Variants in ZNF787 observed in about 807,000 individuals in gnomAD.
The protein encoded by ZNF787 is zinc finger protein 787.
A neutral mutation model predicts 16.9 loss-of-function variants in ZNF787; 7 were observed. The observed-to-expected ratio is 0.42, with a 90% CI of 0.24 to 0.78. ZNF787 has a LOEUF of 0.78. Ranked by LOEUF, ZNF787 falls within the 30% of genes least tolerant of loss-of-function variation. The pLI is 0.30. For missense variants in ZNF787, 551 were observed against 589.3 expected, an observed-to-expected ratio of 0.94 and a Z score of 0.67; for synonymous variants, 345 against 270.9, an observed-to-expected ratio of 1.27 and a Z score of -2.69.
intron 1 of ZNF787, among the ~76,000 whole-genome samples, chr19:56,118,670 C>T (rs189980626): frequency 3.9e-5 from 6 of 152,238 alleles, no homozygotes; most frequent in Non-Finnish European, 8.8e-5. Flanking sequence ...CAAGTGTTGT[C>T]GAATCTGCAG....
At chr19:56,102,643 T>A (rs619934) in intron 2 of ZNF787, 3 of 465,138 alleles carry the variant, frequency 6.4e-6, no homozygotes, top group Middle Eastern at 5.5e-4. Context: ...CTGAAAAGTC[T>A]GCGTCAGCCT....
At chr19:56,104,893 C>T (rs1986243352) in intron 1 of ZNF787, among the ~76,000 whole-genome samples, 1 of 144,448 alleles carries the variant, frequency 6.9e-6, no homozygotes, top group South Asian at 2.1e-4. Context: ...CTTTGAGAGG[C>T]CAAAGCAGGT....
chr19:56,108,348 C>A (rs1197819373), intron 1 of ZNF787, among the ~76,000 whole-genome samples: 5 of 141,144 alleles, frequency 3.5e-5, no homozygotes, highest in African/African-American at 8.6e-5. Flanking sequence ...GCTCCCTCCA[C>A]CCCGCCCCTG....
At chr19:56,102,692 G>C (rs1299449527) in intron 2 of ZNF787, 2 of 542,932 alleles carry the variant, frequency 3.7e-6, no homozygotes, top group Admixed American at 6.6e-5. Context: ...CTGAAAAGTC[G>C]GCATCAGCCT....
At chr19:56,098,980 T>C (rs964553793) in intron 2 of ZNF787, among the ~76,000 whole-genome samples, 1 of 152,170 alleles carries the variant, frequency 6.6e-6, no homozygotes, top group Non-Finnish European at 1.5e-5. Context: ...GCTGAGGCAC[T>C]GCCTCGGTGT....
At chr19:56,094,215 A>G (rs930914084) in intron 2 of ZNF787, among the ~76,000 whole-genome samples, 13 of 96,498 alleles carry the variant, frequency 1.3e-4, no homozygotes, top group African/African-American at 4.6e-4. Flanking sequence ...TTTCATTTTC[A>G]GTAGAGGCAA....
chr19:56,088,233 C>A lies in ZNF787; in HGVS notation c.939G>T (p.Glu313Asp), dbSNP rs1175331347. Reference sequence around the variant, plus strand: ...ACTCCACGCAGATGTGGGCCGGCTCCTCGCCCCCCGCCGCCCCGAGCCCGT... The same window carrying A: ...ACTCCACGCAGATGTGGGCCGGCTCATCGCCCCCCGCCGCCCCGAGCCCGT... ...HGDGLGAAGG[E>D]EPAHICVECG... is the part of the protein sequence containing the mutation. Residue 313 changes from glutamate (E) to aspartate (D), a missense_variant, in exon 3 of 3, where the codon GAG (glutamate) becomes GAT (aspartate). Physicochemically the swap from Glu to Asp is conservative, Grantham distance 45. Coordinates refer to ENST00000610935, the MANE Select transcript of ZNF787 (RefSeq NM_001002836.4). The surrounding 1 kb of genome is among the most constrained non-coding windows in gnomAD (Gnocchi z 8.6). 3.1e-5 allele frequency: 47 copies of A among 1,492,874 alleles called. No homozygotes were observed. Among genetic ancestry groups the A allele is most frequent in the Non-Finnish European group, 4.2e-5 (47 of 1,126,672 alleles). The allele number at this position is 1,492,874 out of a possible 1,614,324, so 92.5% of individuals were successfully genotyped here.
At chr19:56,098,921 G>T (rs1473356706) in intron 2 of ZNF787, among the ~76,000 whole-genome samples, 3 of 151,876 alleles carry the variant, frequency 2.0e-5, no homozygotes, top group Non-Finnish European at 4.4e-5. Context: ...CCAGAGAGAA[G>T]TGGCACAGCA....
chr19:56,115,354 CTTTTTTTTT>C (rs543989293), intron 1 of ZNF787, among the ~76,000 whole-genome samples: 1 of 113,166 alleles, frequency 8.8e-6, no homozygotes, highest in African/African-American at 3.7e-5. Flanking sequence ...GATTTCGCTG[CTTTTTTTTT>C]TTTTTTTTTT....
At chr19:56,094,909 G>A (rs1160344268) in intron 2 of ZNF787, among the ~76,000 whole-genome samples, 6 of 152,190 alleles carry the variant, frequency 3.9e-5, no homozygotes, top group South Asian at 2.1e-4. Flanking sequence ...TCAGGAGTTC[G>A]AGACCAGCCT....
At chr19:56,089,988 C>G (rs1985509681) in intron 2 of ZNF787, among the ~76,000 whole-genome samples, 2 of 152,168 alleles carry the variant, frequency 1.3e-5, no homozygotes, top group Admixed American at 6.5e-5. Context: ...GCAACAGAAT[C>G]AGGTGGGAGG....
rs1985365948 is a variant in ZNF787, at chr19:56,087,948, G to C, written c.*75C>G. On this transcript the variant is annotated 3_prime_UTR_variant, in exon 3 of 3. Transcript: ENST00000610935. ...TCGCACCCCGTCCGCTTCTCCCTGG[G>C]TCTCTTGGTCTTGCACGTCGTCGCT... The C allele has an allele frequency of 1.5e-6, 2 of 1,294,514 alleles. No individual in the cohort carries two copies. The highest frequency in any genetic ancestry group is 3.5e-5 in the East Asian group (1 of 28,626). The allele number at this position is 1,294,514 out of a possible 1,614,324, so 80.2% of individuals were successfully genotyped here. A position where few individuals can be genotyped will look rare whatever the true frequency, so the allele number is the denominator to read the frequency against.
intron 1 of ZNF787, among the ~76,000 whole-genome samples, chr19:56,114,462 G>A (rs111583257): frequency 2.1e-5 from 3 of 145,822 alleles, no homozygotes; most frequent in Non-Finnish European, 3.0e-5. Flanking sequence ...CACTTGCCCC[G>A]GCCAGGCCTG....
chr19:56,096,241 A>T (rs796363807), intron 2 of ZNF787, among the ~76,000 whole-genome samples: 5,491 of 133,996 alleles, frequency 0.041, 315 homozygotes, highest in African/African-American at 0.13. Flanking sequence ...AAAAATAAAA[A>T]AAATAAAAAA....
At chr19:56,097,879 C>G (rs992044837) in intron 2 of ZNF787, among the ~76,000 whole-genome samples, 6 of 152,090 alleles carry the variant, frequency 3.9e-5, no homozygotes, top group African/African-American at 1.2e-4. Context: ...GGAGTGACCT[C>G]CAGTAAGAGA....
chr19:56,095,088 T>A (rs1985822080), intron 2 of ZNF787, among the ~76,000 whole-genome samples: 1 of 152,190 alleles, frequency 6.6e-6, no homozygotes. Context: ...CACTCCAGCC[T>A]CAGTGATAGA....
At position 56,088,083 on chromosome 19, in the gene ZNF787, G is replaced by GTCC. The variant is rs759224048; in HGVS notation, c.1086_1088dup (p.Glu362dup). On this transcript the variant is annotated inframe_insertion, in exon 3 of 3. Transcript: ENST00000610935. This position sits in a 1 kb window ranked among gnomAD's most constrained non-coding sequence, Gnocchi z 8.6. ...GCCCGCCCGCGGCCTCGTCGTCGTC[G>GTCC]TCCTCCTCCTCCCCGCCCGCGCGGT... 414 of 1,491,134 alleles carry GTCC rather than the reference G, an allele frequency of 2.8e-4. No individual in the cohort carries two copies. The highest frequency in any genetic ancestry group is 9.8e-4 in the East Asian group (34 of 34,548). The allele number at this position is 1,491,134 out of a possible 1,614,324, so 92.4% of individuals were successfully genotyped here. A position where few individuals can be genotyped will look rare whatever the true frequency, so the allele number is the denominator to read the frequency against.
At chr19:56,107,340 T>G (rs1003417031) in intron 1 of ZNF787, among the ~76,000 whole-genome samples, 1 of 152,062 alleles carries the variant, frequency 6.6e-6, no homozygotes, top group Admixed American at 6.5e-5. Flanking sequence ...CCTCAGAAAC[T>G]GTGTTCAAAT....
At chr19:56,112,589 G>T (rs1784528958) in intron 1 of ZNF787, among the ~76,000 whole-genome samples, 1 of 137,968 alleles carries the variant, frequency 7.2e-6, no homozygotes, top group Non-Finnish European at 1.5e-5. Context: ...AACTCCTCCT[G>T]GCCCTCCGTG....
Sources: gnomAD v4.1 joint callset for allele counts (sites outside exome capture counted in the v4.1 genomes callset) on GRCh38, gnomAD v4.1.1 for gene constraint, Gnocchi (gnomAD v3.1) non-coding constraint, MANE v1.5 for transcripts, NCBI Gene and HGNC (gene_info 2026-07-23, HGNC 2026-07-21) for gene names.